DIPK2A: variants seen among roughly 807,000 people sequenced by gnomAD.
DIPK2A encodes Golgi Protein of 49 kDa.
A neutral mutation model predicts 39.0 loss-of-function variants in DIPK2A; 27 were observed. That is an observed-to-expected ratio of 0.69 (90% CI 0.51 to 0.96). DIPK2A has a LOEUF of 0.96. Among genes scored for constraint, DIPK2A ranks in the 40% least tolerant of loss-of-function variants. The pLI, the probability that DIPK2A is intolerant of heterozygous loss-of-function variation, is 0.00. For synonymous variants in DIPK2A, 298 were observed against 240.8 expected, an observed-to-expected ratio of 1.24 and a Z score of -2.20; for missense variants, 528 against 571.3, an observed-to-expected ratio of 0.92 and a Z score of 0.77.
At chr3:143,984,564 AT>A (rs2087871752) in intron 1 of DIPK2A, among the ~76,000 whole-genome samples, 1 of 151,810 alleles carries the variant, frequency 6.6e-6, no homozygotes. Context: ...ACACACATTT[AT>A]TGATTCCTTT....
At chr3:143,985,499 T>G (rs1178715886) in intron 1 of DIPK2A, 44 bp from the exon 2 acceptor site, 1 of 1,530,924 alleles carries the variant, frequency 6.5e-7, no homozygotes, top group Non-Finnish European at 9.0e-7. Flanking sequence ...ACCTAGGATA[T>G]TTTCATCAGA....
Position 143,972,645 on chromosome 3 carries a change from C to A in DIPK2A, c.313C>A (p.Arg105Ser), listed in dbSNP as rs750474086. The A allele has an allele frequency of 7.4e-6, 12 of 1,611,206 alleles. No homozygotes were observed. The East Asian group carries it at 2.7e-4, about 36-fold the overall frequency. Residue 105 changes from arginine to serine, a missense_variant, in exon 1 of 3, where the codon CGC becomes AGC. Physicochemically the swap from Arg to Ser is moderately radical, Grantham distance 110 (BLOSUM62 -1). Coordinates refer to ENST00000315691, the MANE Select transcript of DIPK2A (RefSeq NM_173552.5). Reference protein sequence around the residue: ...QYGEPREGGRRRVVLKRLGSQ... With the variant: ...QYGEPREGGRSRVVLKRLGSQ... ...CGGCGAGCCCCGCGAGGGCGGCCGC[C>A]GCCGAGTGGTGCTCAAGCGCCTCGG... is the stretch of plus-strand genomic sequence containing the variant.
At position 143,972,567 on chromosome 3, in the gene DIPK2A, C is replaced by A. The variant is rs1441062391; in HGVS notation, c.235C>A (p.Arg79Ser). 1 of 1,612,304 alleles carries A rather than the reference C, an allele frequency of 6.2e-7. No individual in the cohort carries two copies. Among genetic ancestry groups the A allele is most frequent in the Non-Finnish European group, 8.5e-7 (1 of 1,179,730 alleles). Reference protein sequence around the residue: ...NGQVVFEAWGRLRLLDFLNVK... With the variant: ...NGQVVFEAWGSLRLLDFLNVK... ...GCAGGTGGTATTCGAGGCGTGGGGC[C>A]GCTTGCGCCTGCTGGACTTCCTCAA... is the stretch of plus-strand genomic sequence containing the variant. The change falls in exon 1 of 3, where the codon CGC (arginine) becomes AGC (serine). Residue 79 changes from arginine (R) to serine (S), a missense_variant. Around this residue, in one of 2 missense-constraint regions of DIPK2A, gnomAD observed 309 missense variants for 289.8 expected, o/e 1.07. Transcript: ENST00000315691.
chr3:143,979,977 A>C (rs1282620928), intron 1 of DIPK2A, among the ~76,000 whole-genome samples: 1 of 152,230 alleles, frequency 6.6e-6, no homozygotes, highest in African/African-American at 2.4e-5. Context: ...AAGCTTCTAC[A>C]GTATTTGCAA....
At chr3:143,983,948 T>C (rs1194286567) in intron 1 of DIPK2A, among the ~76,000 whole-genome samples, 1 of 152,254 alleles carries the variant, frequency 6.6e-6, no homozygotes, top group Non-Finnish European at 1.5e-5. Context: ...TTAATTATCT[T>C]AGCTAGATCT....
chr3:143,972,793 G>A lies in DIPK2A; in HGVS notation c.461G>A (p.Arg154His). 6.4e-7 allele frequency: 1 copy of A among 1,567,318 alleles called. No homozygotes were observed. Among genetic ancestry groups the A allele is most frequent in the Non-Finnish European group, 8.6e-7 (1 of 1,160,300 alleles). ...TTCGCGCGCCTCAACGGCGACGTGCGTCTGCTCACGCCCGAGGCGGTGGAG... is the reference window on the plus strand; with the variant it reads ...TTCGCGCGCCTCAACGGCGACGTGCATCTGCTCACGCCCGAGGCGGTGGAG... ...TEFARLNGDV[R>H]LLTPEAVEGW... The change falls in exon 1 of 3, where the codon CGT (arginine) becomes CAT (histidine). Residue 154 changes from arginine (R) to histidine (H), a missense_variant. Physicochemically the swap from Arg to His is conservative, Grantham distance 29. Transcript: ENST00000315691.
intron 1 of DIPK2A, among the ~76,000 whole-genome samples, chr3:143,984,365 A>G (rs1024808704): frequency 6.6e-6 from 1 of 152,088 alleles, no homozygotes; most frequent in Non-Finnish European, 1.5e-5. Context: ...CTTCCTCACT[A>G]TGCCTACCTA....
Position 143,971,949 on chromosome 3 carries a change from C to T in DIPK2A, c.-384C>T, listed in dbSNP as rs960532453. 3.8e-5 allele frequency: 8 copies of T among 213,090 alleles called. No homozygotes were observed. Among genetic ancestry groups the T allele is most frequent in the African/African-American group, 1.8e-4 (8 of 43,866 alleles). 13.2% of individuals were successfully genotyped at this position (213,090 alleles called of 1,614,324 possible). A position where few individuals can be genotyped will look rare whatever the true frequency, so the allele number is the denominator to read the frequency against. Reference sequence around the variant, plus strand: ...CCCCACTTGTCGTGGCTGGCTGCCGCCGCAGCTCTTGTGCGAAGCCAGCAG... The same window carrying T: ...CCCCACTTGTCGTGGCTGGCTGCCGTCGCAGCTCTTGTGCGAAGCCAGCAG... On this transcript the variant is annotated 5_prime_UTR_variant, in exon 1 of 3. Transcript: ENST00000315691.
At chr3:143,978,642 A>ATATATATATATATATC (rs2087774911) in intron 1 of DIPK2A, 21 of 34,514 alleles carry the variant, frequency 6.1e-4, no homozygotes, top group South Asian at 1.8e-3. Flanking sequence ...ATATATATCT[A>ATATATATATATATATC]TATATATATA....
In DIPK2A at chr3:143,989,825, G is replaced by A; in HGVS notation, c.1277G>A (p.Ser426Asn). 6.2e-7 allele frequency: 1 copy of A among 1,612,638 alleles called. No individual in the cohort carries two copies. The highest frequency in any genetic ancestry group is 1.1e-5 in the South Asian group (1 of 91,076). The change falls in exon 3 of 3, where the codon AGT becomes AAT. Residue 426 changes from serine to asparagine, a missense_variant. Ser to Asn is a conservative substitution (Grantham distance 46). Around this residue, in one of 2 missense-constraint regions of DIPK2A, gnomAD observed 219 missense variants for 281.5 expected, o/e 0.78. Transcript: ENST00000315691. ...CTGCGTGAATACCTAGCACAATTAA[G>A]TAACAACGTGAGGTAGTCTATGGTG... ...KELREYLAQLSNNVR is the reference protein window; with the variant it reads ...KELREYLAQLNNNVR
Position 143,972,246 on chromosome 3 carries a change from G to A in DIPK2A, c.-87G>A, listed in dbSNP as rs1000942739. The A allele has an allele frequency of 8.1e-7, 1 of 1,228,808 alleles. No individual in the cohort carries two copies. Among genetic ancestry groups the A allele is most frequent in the African/African-American group, 1.6e-5 (1 of 62,576 alleles). 76.1% of individuals were successfully genotyped at this position (1,228,808 alleles called of 1,614,324 possible). On this transcript the variant is annotated 5_prime_UTR_variant, in exon 1 of 3. Transcript: ENST00000315691. ...CGCGCTAGCTCCTTCTCTCGCCCGG[G>A]GTTCCTGCCGGTAGCTCTCCGGGTC... is the stretch of plus-strand genomic sequence containing the variant.
chr3:143,981,057 T>G (rs925516682), intron 1 of DIPK2A, among the ~76,000 whole-genome samples: 1 of 152,236 alleles, frequency 6.6e-6, no homozygotes, highest in Non-Finnish European at 1.5e-5. Flanking sequence ...GTATCTTTAC[T>G]CATATATTCC....
rs2087664978 is a variant in DIPK2A, at chr3:143,972,432, T to C, written c.100T>C (p.Ser34Pro). 6.3e-7 allele frequency: 1 copy of C among 1,576,288 alleles called. No individual in the cohort carries two copies. The highest frequency in any genetic ancestry group is 8.6e-7 in the Non-Finnish European group (1 of 1,159,676). ...GGTGCTGATGGTGCTGCACTCGCCG[T>C]CGCTGCTCGCCTCTTGGCAGCGCAA... ...LLVLMVLHSPSLLASWQRNEL... is the reference protein window; with the variant it reads ...LLVLMVLHSPPLLASWQRNEL... The change falls in exon 1 of 3, where the codon TCG becomes CCG. Residue 34 changes from serine (S) to proline (P), a missense_variant. Transcript: ENST00000315691.
intron 1 of DIPK2A, among the ~76,000 whole-genome samples, chr3:143,977,324 T>C (rs1056462114): frequency 1.3e-5 from 2 of 151,970 alleles, no homozygotes; most frequent in Middle Eastern, 3.2e-3. Flanking sequence ...ATTTGGTTTT[T>C]ATTGTTGTTG....
In DIPK2A at chr3:143,985,617, T is replaced by C. The variant is rs367554649; in HGVS notation, c.732T>C (p.Tyr244=). 7.7e-5 allele frequency: 125 copies of C among 1,614,098 alleles called. No individual in the cohort carries two copies. The highest frequency in any genetic ancestry group is 1.0e-4 in the Non-Finnish European group (119 of 1,180,028). The change falls in exon 2 of 3, where the codon TAT becomes TAC. Residue 244 remains tyrosine (Y), a synonymous_variant. Coordinates refer to ENST00000315691, the MANE Select transcript of DIPK2A (RefSeq NM_173552.5). Reference sequence around the variant, plus strand: ...GTGGAAGAATGGTGGCTGTAAATTATGTTGGAGAAGAACTGTGGAGTTACT... The same window carrying C: ...GTGGAAGAATGGTGGCTGTAAATTACGTTGGAGAAGAACTGTGGAGTTACT... ...GACGRMVAVN[Y]VGEELWSYFN...
chr3:143,991,019 T>C lies in DIPK2A; in HGVS notation c.*1178T>C, dbSNP rs2087979023. On this transcript the variant is annotated 3_prime_UTR_variant, in exon 3 of 3. Transcript: ENST00000315691. ...TTATTGAGGAACTAATCATTATTAC[T>C]ATAAAGCATACAAATTAGCCAGTCA... is the stretch of plus-strand genomic sequence containing the variant. The C allele has an allele frequency of 6.6e-6, 1 of 152,380 alleles. No individual in the cohort carries two copies. The highest frequency in any genetic ancestry group is 2.1e-4 in the South Asian group (1 of 4,834). 9.4% of individuals were successfully genotyped at this position (152,380 alleles called of 1,614,324 possible). A position where few individuals can be genotyped will look rare whatever the true frequency, so the allele number is the denominator to read the frequency against.
chr3:143,985,554 T>C lies in DIPK2A; in HGVS notation c.669T>C (p.Ser223=). The C allele has an allele frequency of 6.2e-7, 1 of 1,612,974 alleles. No homozygotes were observed. The highest frequency in any genetic ancestry group is 2.2e-5 in the East Asian group (1 of 44,862). Residue 223 remains serine, a synonymous_variant, in exon 2 of 3, where the codon TCT becomes TCC. Transcript: ENST00000315691. Reference sequence around the variant, plus strand: ...TAATTCTTTTGTAGAGTTTTCCGTCTGATGAAGGTTGGCCATTTGCAAAGT... The same window carrying C: ...TAATTCTTTTGTAGAGTTTTCCGTCCGATGAAGGTTGGCCATTTGCAAAGT... ...PEPLVLQSFP[S]DEGWPFAKYL...
Position 143,972,236 on chromosome 3 carries a change from T to A in DIPK2A, c.-97T>A. On this transcript the variant is annotated 5_prime_UTR_variant, in exon 1 of 3. Coordinates refer to ENST00000315691, the MANE Select transcript of DIPK2A (RefSeq NM_173552.5). Reference sequence around the variant, plus strand: ...CCCCAGCCCGCGCGCTAGCTCCTTCTCTCGCCCGGGGTTCCTGCCGGTAGC... The same window carrying A: ...CCCCAGCCCGCGCGCTAGCTCCTTCACTCGCCCGGGGTTCCTGCCGGTAGC... 1 of 1,181,154 alleles carries A rather than the reference T, an allele frequency of 8.5e-7. No individual in the cohort carries two copies. The allele number at this position is 1,181,154 out of a possible 1,614,324, so 73.2% of individuals were successfully genotyped here.
At chr3:143,978,672 A>ATATATCTATATATATC (rs2087782536) in intron 1 of DIPK2A, 1 of 43,150 alleles carries the variant, frequency 2.3e-5, no homozygotes, top group Admixed American at 2.5e-4. Flanking sequence ...ATATATAGAT[A>ATATATCTATATATATC]TATATATATC....
Sources: gnomAD v4.1 joint callset for allele counts (sites outside exome capture counted in the v4.1 genomes callset) on GRCh38, gnomAD v4.1.1 for gene constraint, gnomAD v4.1.1 regional missense constraint, MANE v1.5 for transcripts, NCBI Gene and HGNC (gene_info 2026-07-23, HGNC 2026-07-21) for gene names.